Variants in COX15 observed in about 807,000 individuals in gnomAD.
COX15 encodes cytochrome c oxidase assembly factor COX15.
In COX15, 51 loss-of-function variants were observed where a neutral mutation model predicts 51.9. That is an observed-to-expected ratio of 0.98 (90% CI 0.78 to 1.24). The LOEUF is 1.24. Ranked by LOEUF, COX15 falls within the 50% of genes most tolerant of loss-of-function variation. The pLI, the probability that COX15 is intolerant of heterozygous loss-of-function variation, is 0.00. For missense variants in COX15, 420 were observed against 501.1 expected, an observed-to-expected ratio of 0.84 and a Z score of 1.55; for synonymous variants, 188 against 190.5, an observed-to-expected ratio of 0.99 and a Z score of 0.11.
chr10:99,723,936 T>C lies in COX15; in HGVS notation c.750+20A>G, dbSNP rs1480202153. The stretch of plus-strand genomic sequence containing the variant: ...CCAAAAGCGGGGTCTTGAACACAGA[T>C]ATTTGCACACAACTCTTACCTTGTG... On this transcript the variant is annotated intron_variant, in intron 5 of 8. Transcript: ENST00000016171. 1 of 1,613,066 alleles carries C rather than the reference T, an allele frequency of 6.2e-7. No individual in the cohort carries two copies.
chr10:99,705,334 T>C, the COX15 span: 2 of 153,026 alleles, frequency 1.3e-5, no homozygotes, highest in Non-Finnish European at 2.9e-5. Flanking sequence ...TCTAAATGAA[T>C]GGTCTGTGGA....
chr10:99,716,301 A>C, intron 8 of COX15, 47 bp downstream of exon 8: 2 of 1,391,400 alleles, frequency 1.4e-6, no homozygotes, highest in Non-Finnish European at 2.0e-6. Flanking sequence ...CCCCTTTTTT[A>C]ACTTTGTATT....
At chr10:99,704,572 C>T in the COX15 span, 4 of 1,614,092 alleles carry the variant, frequency 2.5e-6, no homozygotes, top group Admixed American at 1.7e-5. Flanking sequence ...TCTTCCTATA[C>T]CTTCTGCGGC....
chr10:99,718,539 G>C lies in COX15; in HGVS notation c.833-39C>G, dbSNP rs142685489. Reference sequence around the variant, plus strand: ...TAAATGGTATTTATTAAAATGAGAGGAAGAAGAGACCAAATACTAGTTCTG... The same window carrying C: ...TAAATGGTATTTATTAAAATGAGAGCAAGAAGAGACCAAATACTAGTTCTG... On this transcript the variant is annotated intron_variant, in intron 6 of 8. Transcript: ENST00000016171. 4.1e-5 allele frequency: 66 copies of C among 1,608,910 alleles called. 1 individual carries two copies. The East Asian group carries it at 1.0e-3, about 24-fold the overall frequency.
At chr10:99,706,493 A>C (rs563079403), downstream of COX15, among the ~76,000 whole-genome samples, 20 of 125,538 alleles carry the variant, frequency 1.6e-4, no homozygotes, top group South Asian at 5.9e-3. Context: ...GCGCCACCAC[A>C]CTCAGCTAAT....
At chr10:99,723,438 G>A (rs1456119502) in intron 5 of COX15, among the ~76,000 whole-genome samples, 1 of 151,912 alleles carries the variant, frequency 6.6e-6, no homozygotes, top group Non-Finnish European at 1.5e-5. Flanking sequence ...CACCGCGCCT[G>A]GCCAAGACTC....
Position 99,712,921 on chromosome 10 carries a change from C to T in COX15, c.*1666G>A. On this transcript the variant is annotated 3_prime_UTR_variant, in exon 9 of 9. Transcript: ENST00000016171. ...GCTTCAACTTCTCAAGGACAGGAAT[C>T]TTGCTCTCTCTCCAGATGTTCTCTG... is the stretch of plus-strand genomic sequence containing the variant. 1 of 766,134 alleles carries T rather than the reference C, an allele frequency of 1.3e-6. No homozygotes were observed. The highest frequency in any genetic ancestry group is 5.6e-5 in the South Asian group (1 of 17,718). The allele number at this position is 766,134 out of a possible 1,614,324, so 47.5% of individuals were successfully genotyped here. A position where few individuals can be genotyped will look rare whatever the true frequency, so the allele number is the denominator to read the frequency against.
At chr10:99,700,272 AACGTTATCTTCCCAGAGCCACCTTCTGGG>A in the COX15 span, among the ~76,000 whole-genome samples, 8 of 152,044 alleles carry the variant, frequency 5.3e-5, no homozygotes, top group Non-Finnish European at 8.8e-5. Flanking sequence ...CTTTGACTCA[AACGTTATCTTCCCAGAGCCACCTTCTGGG>A]ACCACTCTAT....
the COX15 span, chr10:99,701,145 A>T: frequency 8.5e-7 from 1 of 1,175,698 alleles, no homozygotes; most frequent in South Asian, 1.3e-5. Context: ...TGCAGATTAG[A>T]TTTCATGTTG....
intron 1 of COX15, among the ~76,000 whole-genome samples, chr10:99,730,792 G>A (rs1590109482): frequency 6.6e-6 from 1 of 152,108 alleles, no homozygotes; most frequent in South Asian, 2.1e-4. Flanking sequence ...CAGGTGCAAC[G>A]GCTCAAGCCT....
downstream of COX15, chr10:99,709,757 C>T: frequency 1.0e-6 from 1 of 985,308 alleles, no homozygotes; most frequent in Non-Finnish European, 1.2e-6. Context: ...TTCCTTATAT[C>T]CTAATAGACT....
At chr10:99,728,999 A>G (rs1389100499) in intron 2 of COX15, among the ~76,000 whole-genome samples, 3 of 152,258 alleles carry the variant, frequency 2.0e-5, no homozygotes, top group African/African-American at 7.2e-5. Context: ...AAAGATACAT[A>G]AACAATGCAC....
rs1220271236 is a variant in COX15 at position 99,721,051 on chromosome 10, T to G, written c.768A>C (p.Gln256His). 1.2e-6 allele frequency: 2 copies of G among 1,613,116 alleles called. No homozygotes were observed. The highest frequency in any genetic ancestry group is 1.7e-6 in the Non-Finnish European group (2 of 1,179,716). ...LPPHKLPETH[Q>H]LLQLRRFAHG... ...GAGCAAATCGTCTCAACTGTAGGAG[T>G]TGGTGGGTTTCAGGCAACTAAATAT... Residue 256 changes from glutamine to histidine, a missense_variant, in exon 6 of 9, where the codon CAA (glutamine) becomes CAC (histidine). Coordinates refer to ENST00000016171, the MANE Select transcript of COX15 (RefSeq NM_078470.6).
chr10:99,695,102 A>C, the COX15 span, among the ~76,000 whole-genome samples: 48 of 152,322 alleles, frequency 3.2e-4, no homozygotes, highest in Middle Eastern at 3.4e-3. Flanking sequence ...GAATATGATT[A>C]ATTCAGCCTC....
chr10:99,718,491 ACAAAAGCC>A lies in COX15; in HGVS notation c.834_841del (p.Ala279GlyfsTer10). 1 of 1,614,228 alleles carries A rather than the reference ACAAAAGCC, an allele frequency of 6.2e-7. No individual in the cohort carries two copies. Among genetic ancestry groups the A allele is most frequent in the South Asian group, 1.1e-5 (1 of 91,088 alleles). ...AACAAGCCCAGCATCTAGCCCTGCCACAAAAGCCCCTGTATTCCAAGGTAAATGGTATT... is the reference window on the plus strand; with the variant it reads ...AACAAGCCCAGCATCTAGCCCTGCCACCTGTATTCCAAGGTAAATGGTATT... On this transcript the variant is annotated frameshift_variant and splice_region_variant, in exon 7 of 9. Coordinates refer to ENST00000016171, the MANE Select transcript of COX15 (RefSeq NM_078470.6). LOFTEE classifies it high-confidence loss of function.
chr10:99,698,535 T>C, the COX15 span: 351 of 1,612,196 alleles, frequency 2.2e-4, no homozygotes, highest in Admixed American at 3.3e-3. Flanking sequence ...TTGTGGCAGA[T>C]TGCTTGGTCA....
chr10:99,704,580 G>A, the COX15 span: 3 of 1,613,946 alleles, frequency 1.9e-6, no homozygotes, highest in Non-Finnish European at 2.5e-6. Flanking sequence ...TACCTTCTGC[G>A]GCTACGCCGA....
downstream of COX15, chr10:99,710,617 T>C: frequency 1.0e-6 from 1 of 985,432 alleles, no homozygotes; most frequent in Non-Finnish European, 1.2e-6. Context: ...GTGTGATGCA[T>C]GTTAGAGAGG....
intron 5 of COX15, among the ~76,000 whole-genome samples, chr10:99,721,916 T>G (rs2036788117): frequency 6.6e-6 from 1 of 152,106 alleles, no homozygotes; most frequent in Admixed American, 6.6e-5. Context: ...CAGACTGGAG[T>G]GCAGTGGCAC....
Sources: gnomAD v4.1 joint callset for allele counts (sites outside exome capture counted in the v4.1 genomes callset) on GRCh38, gnomAD v4.1.1 for gene constraint, MANE v1.5 for transcripts, NCBI Gene and HGNC (gene_info 2026-07-23, HGNC 2026-07-21) for gene names.